YTHDC2: variants seen among roughly 807,000 people sequenced by gnomAD.
YTHDC2 encodes 3'-5' RNA helicase YTHDC2.
Under a neutral mutation model 174.9 loss-of-function variants are expected in YTHDC2, and 45 were observed. The ratio of observed to expected loss-of-function variants is 0.26; its 90% CI spans 0.20 to 0.33. YTHDC2 has a LOEUF of 0.33. Ranked by LOEUF, YTHDC2 falls within the 10% of genes least tolerant of loss-of-function variation. YTHDC2 has a pLI of 1.00. For synonymous variants in YTHDC2, 657 were observed against 574.5 expected (o/e 1.14, Z -2.05); for missense variants, 1,650 against 1,723.7 (o/e 0.96, Z 0.76).
At chr5:113,524,462 A>G (rs993171205) in intron 2 of YTHDC2, among the ~76,000 whole-genome samples, 1 of 152,162 alleles carries the variant, frequency 6.6e-6, no homozygotes, top group Non-Finnish European at 1.5e-5. Flanking sequence ...ATTATTTATC[A>G]GTAATGCTGA....
At chr5:113,576,507 G>C (rs1778053520) in intron 23 of YTHDC2, among the ~76,000 whole-genome samples, 1 of 152,122 alleles carries the variant, frequency 6.6e-6, no homozygotes, top group Non-Finnish European at 1.5e-5. Flanking sequence ...AAAATGTATA[G>C]ATATTATTCA....
At chr5:113,561,328 A>G (rs1776948797) in intron 18 of YTHDC2, 143 bp downstream of exon 18, 5 of 486,118 alleles carry the variant, frequency 1.0e-5, no homozygotes, top group Non-Finnish European at 1.7e-5. Flanking sequence ...GGCTATGTCT[A>G]TAACAAATAT....
In YTHDC2 at chr5:113,565,977, A is replaced by G; in HGVS notation, c.2800A>G (p.Ile934Val). 1 of 1,613,324 alleles carries G rather than the reference A, an allele frequency of 6.2e-7. No individual in the cohort carries two copies. The highest frequency in any genetic ancestry group is 8.5e-7 in the Non-Finnish European group (1 of 1,179,598). Residue 934 changes from isoleucine to valine, a missense_variant, in exon 21 of 30, where the codon ATA (isoleucine) becomes GTA (valine). Ile to Val is a conservative substitution (Grantham distance 29). This residue lies in a region of YTHDC2 where 913 missense variants were observed against 940.4 expected (regional missense o/e 0.97). Transcript: ENST00000161863. ...TTCACAGGCTACTATGGAAATAATC[A>G]TAGGCATGAGAACACAGTTGCTTGG... ...FLSQATMEII[I>V]GMRTQLLGQL... is the part of the protein sequence containing the mutation.
At chr5:113,571,557 A>G (rs1777718820) in intron 23 of YTHDC2, among the ~76,000 whole-genome samples, 1 of 152,196 alleles carries the variant, frequency 6.6e-6, no homozygotes, top group Admixed American at 6.5e-5. Context: ...AAAGGGTATC[A>G]GCTCTTCTAT....
intron 10 of YTHDC2, among the ~76,000 whole-genome samples, chr5:113,545,888 C>A (rs1411836808): frequency 1.0e-5 from 1 of 97,458 alleles, no homozygotes; most frequent in East Asian, 2.3e-4. Context: ...CTACAGGCGC[C>A]CGCCACTACG....
chr5:113,571,446 G>T (rs1224281639), intron 23 of YTHDC2, among the ~76,000 whole-genome samples: 1 of 152,092 alleles, frequency 6.6e-6, no homozygotes, highest in Non-Finnish European at 1.5e-5. Flanking sequence ...TTTCTTTTTT[G>T]TTGTATCTCT....
intron 3 of YTHDC2, among the ~76,000 whole-genome samples, chr5:113,525,852 A>T (rs1357381654): frequency 6.6e-6 from 1 of 152,176 alleles, no homozygotes; most frequent in Non-Finnish European, 1.5e-5. Context: ...GGAATAGATC[A>T]GCAGAATATA....
intron 17 of YTHDC2, among the ~76,000 whole-genome samples, chr5:113,556,862 T>G (rs538477162): frequency 4.5e-4 from 68 of 152,192 alleles, no homozygotes; most frequent in Non-Finnish European, 7.8e-4. Context: ...TTGTTTATAA[T>G]AATGTAAAGT....
intron 10 of YTHDC2, among the ~76,000 whole-genome samples, chr5:113,544,501 C>T (rs1350080823): frequency 6.6e-6 from 1 of 152,112 alleles, no homozygotes; most frequent in African/African-American, 2.4e-5. Context: ...TCTGTTGGAA[C>T]ATGTTTAGTG....
At chr5:113,521,557 C>G (rs540571853) in intron 2 of YTHDC2, among the ~76,000 whole-genome samples, 2 of 151,604 alleles carry the variant, frequency 1.3e-5, no homozygotes, top group Admixed American at 6.6e-5. Flanking sequence ...ATGGTGAAAC[C>G]CCATCTCTCC....
At chr5:113,552,921 A>C (rs972722495) in intron 12 of YTHDC2, among the ~76,000 whole-genome samples, 4 of 152,074 alleles carry the variant, frequency 2.6e-5, no homozygotes, top group African/African-American at 7.2e-5. Flanking sequence ...AATGATGTTG[A>C]ACATCTTTTC....
At chr5:113,522,060 C>T (rs1773902313) in intron 2 of YTHDC2, among the ~76,000 whole-genome samples, 5 of 151,234 alleles carry the variant, frequency 3.3e-5, no homozygotes, top group Admixed American at 3.3e-4. Flanking sequence ...CATCTGTCTG[C>T]CTAATGGAAA....
chr5:113,524,802 T>G (rs895511208), intron 2 of YTHDC2, among the ~76,000 whole-genome samples, 179 bp from the exon 3 acceptor site: 2 of 152,112 alleles, frequency 1.3e-5, no homozygotes, highest in Non-Finnish European at 2.9e-5. Context: ...AAAATAGTTT[T>G]ATGGCCACTT....
intron 13 of YTHDC2, 65 bp from the exon 14 acceptor site, chr5:113,553,525 A>G (rs1417837211): frequency 5.2e-6 from 8 of 1,553,176 alleles, no homozygotes; most frequent in African/African-American, 4.1e-5. Flanking sequence ...ACAGATTTTT[A>G]TAATTCTGTT....
chr5:113,550,486 T>A (rs912417674), intron 12 of YTHDC2, among the ~76,000 whole-genome samples: 2 of 152,150 alleles, frequency 1.3e-5, no homozygotes, highest in Admixed American at 6.6e-5. Context: ...CCAGTCATAG[T>A]AAAGTAAAGG....
In YTHDC2 at chr5:113,591,398, A is replaced by G. The variant is rs75996133; in HGVS notation, c.4029+154A>G. On this transcript the variant is annotated intron_variant, in intron 27 of 29. Coordinates refer to ENST00000161863, the MANE Select transcript of YTHDC2 (RefSeq NM_022828.5). ...GGGATATATTGCATCTCTTTAGAGGATGATAGAACTGGAATCCTCTTTGTT... is the reference window on the plus strand; with the variant it reads ...GGGATATATTGCATCTCTTTAGAGGGTGATAGAACTGGAATCCTCTTTGTT... Among the ~76,000 whole-genome samples the G allele has an allele frequency of 6.7e-3, 1,019 of 152,254 alleles. 7 individuals are homozygous for G. Among genetic ancestry groups the G allele is most frequent in the African/African-American group, 0.023 (949 of 41,552 alleles).
chr5:113,581,256 T>G (rs770103225), intron 24 of YTHDC2, 161 bp from the exon 25 acceptor site: 2 of 583,996 alleles, frequency 3.4e-6, no homozygotes, highest in Non-Finnish European at 5.3e-6. Flanking sequence ...TAAATAAATT[T>G]TATTTCATTC....
rs900169621 is a variant in YTHDC2, at chr5:113,541,061, T to C, written c.1304T>C (p.Val435Ala). ...ESQRQRTVLN[V>A]TDEYDLLDDG... ...CAGAGGCAGAGAACTGTTCTAAATG[T>C]GACTGATGAGTATGACTTACTGGAT... The change falls in exon 9 of 30, where the codon GTG becomes GCG. Residue 435 changes from valine (V) to alanine (A), a missense_variant. Val to Ala is a moderately conservative substitution (Grantham distance 64). Coordinates refer to ENST00000161863, the MANE Select transcript of YTHDC2 (RefSeq NM_022828.5). The C allele has an allele frequency of 5.0e-6, 8 of 1,614,096 alleles. No individual in the cohort carries two copies. The Middle Eastern group carries it at 6.6e-4, about 133-fold the overall frequency.
chr5:113,567,993 G>C, intron 23 of YTHDC2, 144 bp downstream of exon 23: 1 of 523,268 alleles, frequency 1.9e-6, no homozygotes, highest in Non-Finnish European at 3.1e-6. Context: ...AGACTAATTA[G>C]GAAATACTAA....
Sources: allele counts gnomAD v4.1 joint callset (sites outside exome capture counted in the v4.1 genomes callset), GRCh38; gene constraint gnomAD v4.1.1; regional missense constraint gnomAD v4.1.1; transcripts MANE v1.5; gene names NCBI Gene and HGNC (gene_info 2026-07-23, HGNC 2026-07-21).